The following NMNAT1 variants were observed in gnomAD, a reference collection of about 807,000 sequenced individuals.
NMNAT1 encodes nicotinamide nucleotide adenylyltransferase 1.
A neutral mutation model predicts 16.7 loss-of-function variants in NMNAT1; 11 were observed. The observed-to-expected ratio is 0.66, with a 90% confidence interval of 0.41 to 1.09. NMNAT1 has a LOEUF of 1.09. Ranked by LOEUF, NMNAT1 falls within the 50% of genes least tolerant of loss-of-function variation. NMNAT1 has a pLI of 0.00. For synonymous variants in NMNAT1, 110 were observed against 119.8 expected (o/e 0.92, Z 0.53); for missense variants, 280 against 332.3 (o/e 0.84, Z 1.22).
At chr1:9,980,873 G>A (rs960910761) in intron 3 of NMNAT1, among the ~76,000 whole-genome samples, 158 bp from the exon 4 acceptor site, 19 of 151,732 alleles carry the variant, frequency 1.3e-4, no homozygotes, top group Non-Finnish European at 2.6e-4. Context: ...AGCCAGGATG[G>A]TCTCGATCTT....
intron 1 of NMNAT1, among the ~76,000 whole-genome samples, chr1:9,948,421 C>G (rs145505267): frequency 1.3e-5 from 2 of 152,036 alleles, no homozygotes; most frequent in African/African-American, 2.4e-5. Flanking sequence ...CAAAAAAATA[C>G]AAAAGAGTAG....
chr1:9,996,240 G>A, the NMNAT1 span, among the ~76,000 whole-genome samples: 1 of 150,996 alleles, frequency 6.6e-6, no homozygotes, highest in African/African-American at 2.4e-5. Context: ...GAACCCCGGA[G>A]GCGGAGCTTG....
chr1:9,971,452 T>TA (rs2101691665), intron 1 of NMNAT1, among the ~76,000 whole-genome samples: 1 of 152,202 alleles, frequency 6.6e-6, no homozygotes, highest in East Asian at 1.9e-4. Flanking sequence ...TAGCTGGGAT[T>TA]ACAGGTGCCT....
At chr1:9,972,831 T>C (rs1641719119) in intron 2 of NMNAT1, among the ~76,000 whole-genome samples, 1 of 152,094 alleles carries the variant, frequency 6.6e-6, no homozygotes, top group Non-Finnish European at 1.5e-5. Context: ...TATGGTGGCA[T>C]GTGCCTGTGG....
chr1:9,976,765 C>T (rs1272144489), intron 3 of NMNAT1, among the ~76,000 whole-genome samples: 3 of 152,000 alleles, frequency 2.0e-5, no homozygotes, highest in Non-Finnish European at 2.9e-5. Context: ...GCTGGGACTA[C>T]AGGTGACTGC....
chr1:9,974,623 C>T (rs12730634), intron 2 of NMNAT1, among the ~76,000 whole-genome samples: 3 of 151,880 alleles, frequency 2.0e-5, no homozygotes, highest in East Asian at 1.9e-4. Flanking sequence ...CTCCTGACCT[C>T]GTGATCCACC....
intron 1 of NMNAT1, among the ~76,000 whole-genome samples, chr1:9,958,964 C>G (rs548151005): frequency 4.6e-5 from 7 of 152,270 alleles, no homozygotes; most frequent in Admixed American, 4.6e-4. Context: ...TGTTAACTGA[C>G]AAACTGAGAG....
chr1:9,976,703 C>T (rs1325406592), intron 3 of NMNAT1, among the ~76,000 whole-genome samples: 2 of 151,920 alleles, frequency 1.3e-5, no homozygotes, highest in Non-Finnish European at 2.9e-5. Flanking sequence ...CGGCTCACTG[C>T]GACCTCTGCC....
intron 1 of NMNAT1, among the ~76,000 whole-genome samples, chr1:9,955,419 A>AAG (rs1553124986): frequency 5.3e-5 from 8 of 150,702 alleles, no homozygotes; most frequent in African/African-American, 9.7e-5. Flanking sequence ...AAAAAAAAAA[A>AAG]AAAGAAAGAA....
In NMNAT1 at chr1:9,975,540, T is replaced by G. The variant is rs1641787096; in HGVS notation, c.116-52T>G. On this transcript the variant is annotated intron_variant, in intron 2 of 4. Transcript: ENST00000377205. The stretch of plus-strand genomic sequence containing the variant: ...ATAATATTGATCGTAATATTTCCTG[T>G]GCATAAAGTCTAATTTGTTATACCT... 8.4e-6 allele frequency: 11 copies of G among 1,310,362 alleles called. No individual in the cohort carries two copies. The South Asian group carries it at 1.3e-4, about 16-fold the overall frequency. The allele number at this position is 1,310,362 out of a possible 1,614,324, so 81.2% of individuals were successfully genotyped here. A position where few individuals can be genotyped will look rare whatever the true frequency, so the allele number is the denominator to read the frequency against.
At position 9,974,139 on chromosome 1, in the gene NMNAT1, T is replaced by C. The variant is rs371785688; in HGVS notation, c.116-1453T>C. Among the ~76,000 whole-genome samples the C allele has an allele frequency of 3.4e-4, 52 of 152,164 alleles. 1 individual carries two copies. The East Asian group carries it at 4.3e-3, about 12-fold the overall frequency. Reference sequence around the variant, plus strand: ...AGGCATGAGCCACCATAACATAGCATAACCATAACAGTTTCATGTGTATCC... The same window carrying C: ...AGGCATGAGCCACCATAACATAGCACAACCATAACAGTTTCATGTGTATCC... On this transcript the variant is annotated intron_variant, in intron 2 of 4. Transcript: ENST00000377205.
At chr1:9,970,702 AAG>A (rs1641669544) in intron 1 of NMNAT1, among the ~76,000 whole-genome samples, 1 of 152,060 alleles carries the variant, frequency 6.6e-6, no homozygotes, top group South Asian at 2.1e-4. Context: ...AAAAAAAAAA[AAG>A]AAATTTTAAT....
At chr1:9,952,170 C>G (rs113172808) in intron 1 of NMNAT1, among the ~76,000 whole-genome samples, 1 of 151,976 alleles carries the variant, frequency 6.6e-6, no homozygotes, top group African/African-American at 2.4e-5. Flanking sequence ...GGCATGGTGG[C>G]GGGCACCTGT....
chr1:9,959,893 C>A (rs1238694526), intron 1 of NMNAT1, among the ~76,000 whole-genome samples: 1 of 152,056 alleles, frequency 6.6e-6, no homozygotes, highest in Admixed American at 6.6e-5. Flanking sequence ...TCAAAATATA[C>A]CCCCAAGAGT....
At chr1:9,962,406 C>T (rs540437122) in intron 1 of NMNAT1, among the ~76,000 whole-genome samples, 12 of 149,842 alleles carry the variant, frequency 8.0e-5, no homozygotes, top group East Asian at 2.1e-4. Flanking sequence ...GGCGTGAACC[C>T]GGGAGGCGGA....
intron 1 of NMNAT1, among the ~76,000 whole-genome samples, chr1:9,956,879 A>G (rs941689342): frequency 9.3e-5 from 14 of 150,466 alleles, no homozygotes; most frequent in African/African-American, 4.9e-5. Flanking sequence ...TTGCAGGCAC[A>G]TGCCACCATG....
At chr1:9,964,929 C>CA (rs775381643) in intron 1 of NMNAT1, among the ~76,000 whole-genome samples, 9,311 of 33,360 alleles carry the variant, frequency 0.28, 790 homozygotes, top group African/African-American at 0.4. Context: ...ACCTGGGCGA[C>CA]AAAAAAAAAA....
At chr1:9,962,211 G>A (rs1181109732) in intron 1 of NMNAT1, among the ~76,000 whole-genome samples, 2 of 151,892 alleles carry the variant, frequency 1.3e-5, no homozygotes, top group South Asian at 2.1e-4. Flanking sequence ...CGCCGGGCGC[G>A]GTGGCTCACG....
chr1:9,973,489 C>A (rs1470954198), intron 2 of NMNAT1, among the ~76,000 whole-genome samples: 1 of 151,466 alleles, frequency 6.6e-6, no homozygotes, highest in Non-Finnish European at 1.5e-5. Flanking sequence ...AGGCAGATCA[C>A]AAGGTCAGGA....
Sources: gnomAD v4.1 joint callset for allele counts (sites outside exome capture counted in the v4.1 genomes callset) on GRCh38, gnomAD v4.1.1 for gene constraint, MANE v1.5 for transcripts, NCBI Gene and HGNC (gene_info 2026-07-23, HGNC 2026-07-21) for gene names.